The following HYKK variants were observed in gnomAD, a reference collection of about 807,000 sequenced individuals.
HYKK encodes the protein 5-hydroxy-L-lysine kinase.
A neutral mutation model predicts 29.7 loss-of-function variants in HYKK; 19 were observed. The observed-to-expected ratio is 0.64, with a 90% CI of 0.45 to 0.94. HYKK has a LOEUF of 0.94. HYKK is among the 40% of genes least tolerant of loss of function. The pLI is 0.00. For synonymous variants in HYKK, 152 were observed against 158.1 expected (o/e 0.96, Z 0.29); for missense variants, 390 against 443.4 (o/e 0.88, Z 1.08).
At chr15:78,524,956 G>A (rs758701111) in intron 3 of HYKK, among the ~76,000 whole-genome samples, 5 of 152,022 alleles carry the variant, frequency 3.3e-5, no homozygotes, top group Non-Finnish European at 7.4e-5. Context: ...CCCCACCTCC[G>A]ATATTGGGGA....
At chr15:78,515,495 A>G (rs2052122292) in intron 3 of HYKK, among the ~76,000 whole-genome samples, 1 of 152,168 alleles carries the variant, frequency 6.6e-6, no homozygotes, top group Non-Finnish European at 1.5e-5. Context: ...AGGCAGGAGA[A>G]TCGCTTGAGC....
rs781696892 is a variant in HYKK, at chr15:78,527,491, C to G, written c.589C>G (p.Arg197Gly). 6.2e-7 allele frequency: 1 copy of G among 1,613,876 alleles called. No homozygotes were observed. The highest frequency in any genetic ancestry group is 1.3e-5 in the African/African-American group (1 of 74,854). Residue 197 changes from arginine to glycine, a missense_variant, in exon 4 of 5, where the codon CGA becomes GGA. Physicochemically the swap from Arg to Gly is moderately radical, Grantham distance 125. Transcript: ENST00000388988. ...YLYALGQNRN[R>G]EIVEHVIHLF... ...GTATGCCCTGGGCCAGAATCGAAACCGAGAGATTGTTGAGCATGTCATTCA... is the reference window on the plus strand; with the variant it reads ...GTATGCCCTGGGCCAGAATCGAAACGGAGAGATTGTTGAGCATGTCATTCA...
At chr15:78,526,483 C>G (rs776101632) in intron 3 of HYKK, among the ~76,000 whole-genome samples, 20 of 152,100 alleles carry the variant, frequency 1.3e-4, no homozygotes, top group South Asian at 6.2e-4. Flanking sequence ...GAGTAAAGAC[C>G]TGGTAGAAAT....
chr15:78,526,467 T>C (rs1458827815), intron 3 of HYKK, among the ~76,000 whole-genome samples: 1 of 152,088 alleles, frequency 6.6e-6, no homozygotes, highest in Non-Finnish European at 1.5e-5. Context: ...AGAGAAGGCG[T>C]TTTTTGAGTA....
intron 3 of HYKK, among the ~76,000 whole-genome samples, chr15:78,517,109 C>CTTCT (rs2052143281): frequency 3.7e-5 from 4 of 108,404 alleles, no homozygotes; most frequent in Non-Finnish European, 7.5e-5. Flanking sequence ...TTCTTTCTTT[C>CTTCT]TTTTTTTTTT....
At chr15:78,515,236 G>A in intron 3 of HYKK, 129 bp downstream of exon 3, 1 of 549,300 alleles carries the variant, frequency 1.8e-6, no homozygotes, top group Non-Finnish European at 2.9e-6. Flanking sequence ...GAAGGGAATG[G>A]AGTCCTAGAG....
At chr15:78,513,018 A>G in intron 1 of HYKK, 66 bp from the exon 2 acceptor site, 1 of 865,350 alleles carries the variant, frequency 1.2e-6, no homozygotes, top group East Asian at 2.5e-5. Flanking sequence ...TGTCTTGAGA[A>G]AAATCATTTA....
At chr15:78,524,267 C>A (rs1192669605) in intron 3 of HYKK, among the ~76,000 whole-genome samples, 2 of 152,264 alleles carry the variant, frequency 1.3e-5, no homozygotes, top group African/African-American at 4.8e-5. Flanking sequence ...ACTCTGTGCA[C>A]CCACATGCTT....
Position 78,533,679 on chromosome 15 carries a change from T to A in HYKK, c.*9T>A, listed in dbSNP as rs754489644. ...CTGGGATCTCCATGTGACTGAGATC[T>A]CCATGTGACTCAAAGTTCACTTTAA... On this transcript the variant is annotated 3_prime_UTR_variant, in exon 5 of 5. Coordinates refer to ENST00000388988, the MANE Select transcript of HYKK (RefSeq NM_001013619.4). The A allele has an allele frequency of 6.3e-7, 1 of 1,577,292 alleles. No homozygotes were observed. Among genetic ancestry groups the A allele is most frequent in the Admixed American group, 1.7e-5 (1 of 59,112 alleles).
chr15:78,513,533 G>T (rs1040684858), intron 2 of HYKK, 108 bp downstream of exon 2: 8 of 794,886 alleles, frequency 1.0e-5, no homozygotes, highest in African/African-American at 3.5e-5. Context: ...GTGTAGATGT[G>T]GTTGTTATTA....
chr15:78,522,351 C>G (rs78142434), intron 3 of HYKK, among the ~76,000 whole-genome samples: 183 of 152,020 alleles, frequency 1.2e-3, no homozygotes, highest in African/African-American at 2.8e-3. Context: ...GACTCCGGTT[C>G]GAGACCAGCC....
chr15:78,527,447 C>G lies in HYKK; in HGVS notation c.545C>G (p.Pro182Arg). ...TTCATCTGGAATCTGAAAAATGTTCCTCTTCTGGAGAAATACCTGTATGCC... is the reference window on the plus strand; with the variant it reads ...TTCATCTGGAATCTGAAAAATGTTCGTCTTCTGGAGAAATACCTGTATGCC... ...ENFIWNLKNV[P>R]LLEKYLYALG... The change falls in exon 4 of 5, where the codon CCT becomes CGT. Residue 182 changes from proline (P) to arginine (R), a missense_variant. By Grantham distance (103) the Pro-to-Arg change is moderately radical. Transcript: ENST00000388988. The G allele has an allele frequency of 6.2e-7, 1 of 1,613,984 alleles. No individual in the cohort carries two copies. The highest frequency in any genetic ancestry group is 8.5e-7 in the Non-Finnish European group (1 of 1,179,886).
In HYKK at chr15:78,515,036, G is replaced by C. The variant is rs1260029051; in HGVS notation, c.406G>C (p.Glu136Gln). Residue 136 changes from glutamate (E) to glutamine (Q), a missense_variant, in exon 3 of 5, where the codon GAG becomes CAG. Coordinates refer to ENST00000388988, the MANE Select transcript of HYKK (RefSeq NM_001013619.4). ...TTACCTCCCAGGAAGACCCATCGCT[G>C]AGCTTCCCGTCAGCCCCCAGCTATT... is the stretch of plus-strand genomic sequence containing the variant. ...LTYLPGRPIA[E>Q]LPVSPQLLYE... 11 of 1,605,654 alleles carry C rather than the reference G, an allele frequency of 6.9e-6. No individual in the cohort carries two copies. Among genetic ancestry groups the C allele is most frequent in the Non-Finnish European group, 9.4e-6 (11 of 1,175,428 alleles).
At chr15:78,530,550 G>A (rs1241421879) in intron 4 of HYKK, among the ~76,000 whole-genome samples, 1 of 152,170 alleles carries the variant, frequency 6.6e-6, no homozygotes, top group Non-Finnish European at 1.5e-5. Context: ...TTCTATATCT[G>A]TGTTGTTCAA....
At chr15:78,511,958 GT>G (rs2052077611) in intron 1 of HYKK, among the ~76,000 whole-genome samples, 1 of 152,170 alleles carries the variant, frequency 6.6e-6, no homozygotes, top group Non-Finnish European at 1.5e-5. Context: ...TTCTGTCACA[GT>G]TTTGGCAGAT....
intron 1 of HYKK, among the ~76,000 whole-genome samples, chr15:78,510,958 CTTTTTTTTTTTTT>C (rs923918603): frequency 1.2e-5 from 1 of 85,158 alleles, no homozygotes; most frequent in African/African-American, 4.3e-5. Flanking sequence ...TCATGAGATT[CTTTTTTTTTTTTT>C]TTTTTTTTTT....
At position 78,534,901 on chromosome 15, in the gene HYKK, T is replaced by C. The variant is rs1178262432; in HGVS notation, c.*1231T>C. 6.6e-6 allele frequency: 1 copy of C among 152,242 alleles called. No individual in the cohort carries two copies. The highest frequency in any genetic ancestry group is 1.9e-4 in the East Asian group (1 of 5,198). 9.4% of individuals were successfully genotyped at this position (152,242 alleles called of 1,614,324 possible). ...CATATAAGCATATATTTTTTAATTC[T>C]CTATAATCTGTTTCTTTTTGGATGA... is the stretch of plus-strand genomic sequence containing the variant. On this transcript the variant is annotated 3_prime_UTR_variant, in exon 5 of 5. Coordinates refer to ENST00000388988, the MANE Select transcript of HYKK (RefSeq NM_001013619.4).
intron 2 of HYKK, 42 bp from the exon 3 acceptor site, chr15:78,514,926 A>G: frequency 3.6e-6 from 3 of 836,832 alleles, no homozygotes; most frequent in South Asian, 3.2e-5. Context: ...ATATATATAT[A>G]TAAATAATTT....
intron 3 of HYKK, among the ~76,000 whole-genome samples, chr15:78,523,313 C>G (rs2052217107): frequency 6.6e-6 from 1 of 152,098 alleles, no homozygotes; most frequent in South Asian, 2.1e-4. Context: ...CAAGAGAGAG[C>G]AAGCCGGGGG....
Sources: gnomAD v4.1 joint callset for allele counts (sites outside exome capture counted in the v4.1 genomes callset) on GRCh38, gnomAD v4.1.1 for gene constraint, MANE v1.5 for transcripts, NCBI Gene and HGNC (gene_info 2026-07-23, HGNC 2026-07-21) for gene names.